RGS6: variants seen among roughly 807,000 people sequenced by gnomAD.
The protein encoded by RGS6 is regulator of G protein signaling 6.
A neutral mutation model predicts 78.5 loss-of-function variants in RGS6; 30 were observed. The ratio of observed to expected loss-of-function variants is 0.38; its 90% CI spans 0.29 to 0.52. RGS6 has a LOEUF of 0.52. RGS6 is among the 20% of genes least tolerant of loss of function. The pLI, the probability that RGS6 is intolerant of heterozygous loss-of-function variation, is 0.85. For synonymous variants in RGS6, 206 were observed against 206.0 expected (o/e 1.00, Z 0.00); for missense variants, 495 against 609.7 (o/e 0.81, Z 1.98).
chr14:72,498,191 G>C (rs925748930), intron 13 of RGS6, among the ~76,000 whole-genome samples: 5 of 151,944 alleles, frequency 3.3e-5, no homozygotes, highest in African/African-American at 1.2e-4. Flanking sequence ...TGTTCTATTG[G>C]TGTTTATCAT....
At position 72,128,496 on chromosome 14, in the gene RGS6, C is replaced by A. The variant is rs548890182; in HGVS notation, c.84+163621C>A. On this transcript the variant is annotated intron_variant, in intron 2 of 17. Transcript: ENST00000553525. Reference sequence around the variant, plus strand: ...CTTTTATTAAGCACTGCTCTCACATCTCATTGTGTTTGTTGAACCTGGAAA... The same window carrying A: ...CTTTTATTAAGCACTGCTCTCACATATCATTGTGTTTGTTGAACCTGGAAA... Among the ~76,000 whole-genome samples, 7 of 151,662 alleles carry A rather than the reference C, an allele frequency of 4.6e-5. No individual in the cohort carries two copies. The East Asian group carries it at 1.2e-3, about 25-fold the overall frequency.
chr14:72,054,013 TA>T (rs1240579529), intron 2 of RGS6, among the ~76,000 whole-genome samples: 1 of 152,202 alleles, frequency 6.6e-6, no homozygotes, highest in African/African-American at 2.4e-5. Context: ...ATCACAAGAA[TA>T]GGGGTGAGAA....
the RGS6 span, among the ~76,000 whole-genome samples, chr14:72,580,887 T>C: frequency 2.0e-5 from 3 of 152,190 alleles, no homozygotes; most frequent in African/African-American, 4.8e-5. Context: ...CTGCCTGCCT[T>C]ATGGGAGCAA....
At chr14:72,027,204 T>C (rs2090034551) in intron 2 of RGS6, among the ~76,000 whole-genome samples, 1 of 151,282 alleles carries the variant, frequency 6.6e-6, no homozygotes, top group South Asian at 2.1e-4. Flanking sequence ...GGAAGGACTA[T>C]GTCCTCTGCT....
In RGS6 at chr14:72,011,035, T is replaced by A. The variant is rs559081102; in HGVS notation, c.84+46160T>A. 3.3e-5 allele frequency among the ~76,000 whole-genome samples: 5 copies of A among 152,300 alleles called. No individual in the cohort carries two copies. In the East Asian group the frequency reaches 7.7e-4, roughly 24 times the overall value. ...CCAAAATATTTAATGGAATGAAGTG[T>A]TGTTCTATTCTAAAATTGCAAATAA... On this transcript the variant is annotated intron_variant, in intron 2 of 17. Transcript: ENST00000553525.
At chr14:72,070,442 G>T (rs1432030021) in intron 2 of RGS6, among the ~76,000 whole-genome samples, 4 of 152,138 alleles carry the variant, frequency 2.6e-5, no homozygotes, top group Non-Finnish European at 1.5e-5. Context: ...AAATTCTCAG[G>T]TTTGATTTTT....
chr14:72,475,359 C>T (rs1300128772), intron 10 of RGS6, among the ~76,000 whole-genome samples: 2 of 151,948 alleles, frequency 1.3e-5, no homozygotes, highest in Non-Finnish European at 2.9e-5. Flanking sequence ...GACTCCCCCA[C>T]GATTCATATG....
intron 2 of RGS6, among the ~76,000 whole-genome samples, chr14:72,121,393 A>G (rs1249405373): frequency 6.6e-6 from 1 of 152,176 alleles, no homozygotes; most frequent in Non-Finnish European, 1.5e-5. Context: ...ACAGGGGAGA[A>G]GACACCAGTG....
intron 3 of RGS6, among the ~76,000 whole-genome samples, chr14:72,373,097 G>A (rs778675306): frequency 7.9e-5 from 12 of 152,056 alleles, no homozygotes; most frequent in Non-Finnish European, 1.5e-4. Flanking sequence ...AGAGGAAGCC[G>A]AGCCCACCCT....
chr14:72,138,356 G>T (rs78851344), intron 2 of RGS6, among the ~76,000 whole-genome samples: 1 of 151,740 alleles, frequency 6.6e-6, no homozygotes, highest in South Asian at 2.1e-4. Context: ...TTGAGGGGGA[G>T]GGTTAATGTC....
intron 2 of RGS6, among the ~76,000 whole-genome samples, chr14:72,318,981 A>G (rs765005314): frequency 3.3e-5 from 5 of 152,240 alleles, no homozygotes; most frequent in Non-Finnish European, 7.3e-5. Flanking sequence ...AATTTTTACC[A>G]ACTCACAACA....
At chr14:72,076,534 C>A (rs902868445) in intron 2 of RGS6, among the ~76,000 whole-genome samples, 13 of 152,112 alleles carry the variant, frequency 8.5e-5, no homozygotes, top group African/African-American at 3.1e-4. Flanking sequence ...CATATCTATA[C>A]ACACTTTTTT....
chr14:72,504,449 C>T (rs1394861071), intron 13 of RGS6, among the ~76,000 whole-genome samples: 1 of 152,182 alleles, frequency 6.6e-6, no homozygotes, highest in African/African-American at 2.4e-5. Context: ...AATACTAGAA[C>T]CAAATAAAAT....
At chr14:72,124,276 A>G (rs1482184278) in intron 2 of RGS6, among the ~76,000 whole-genome samples, 1 of 152,162 alleles carries the variant, frequency 6.6e-6, no homozygotes, top group Admixed American at 6.5e-5. Context: ...TGCATTTTTC[A>G]TTTTAGAAAC....
rs770859468 is a variant in RGS6 at position 72,459,637 on chromosome 14, G to A, written c.348G>A (p.Pro116=). 4.3e-6 allele frequency: 7 copies of A among 1,613,938 alleles called. No homozygotes were observed. The highest frequency in any genetic ancestry group is 3.3e-5 in the Admixed American group (2 of 60,000). The change falls in exon 6 of 18, where the codon CCG becomes CCA. Residue 116 remains proline, a synonymous_variant. Transcript: ENST00000553525. ...DDGTFYRFQA[P]YFWPSNCWEP... The stretch of plus-strand genomic sequence containing the variant: ...ACACCCATGCTCCTTTGCAGGCTCC[G>A]TACTTCTGGCCTTCGAACTGCTGGG...
rs1354679466 is a variant in RGS6 at position 71,971,018 on chromosome 14, T to G, written c.84+6143T>G. Among the ~76,000 whole-genome samples the G allele has an allele frequency of 2.6e-5, 4 of 152,170 alleles. No homozygotes were observed. The East Asian group carries it at 7.7e-4, about 29-fold the overall frequency. On this transcript the variant is annotated intron_variant, in intron 2 of 17. Transcript: ENST00000553525. Reference sequence around the variant, plus strand: ...AGATTTGTGATGTCGTATACCGAGTTCAGGAGACTTTAAGTGGTTGATATG... The same window carrying G: ...AGATTTGTGATGTCGTATACCGAGTGCAGGAGACTTTAAGTGGTTGATATG...
intron 2 of RGS6, among the ~76,000 whole-genome samples, chr14:72,284,968 G>T (rs1482250450): frequency 1.3e-5 from 2 of 152,158 alleles, no homozygotes; most frequent in Non-Finnish European, 2.9e-5. Flanking sequence ...GACTTGGATG[G>T]GACCTTTAGC....
intron 2 of RGS6, among the ~76,000 whole-genome samples, chr14:72,261,957 G>T (rs1309509154): frequency 6.6e-6 from 1 of 151,924 alleles, no homozygotes; most frequent in Non-Finnish European, 1.5e-5. Flanking sequence ...TTTAGTCATG[G>T]TGATTTCAAA....
chr14:72,406,695 C>G (rs2239218), intron 3 of RGS6, among the ~76,000 whole-genome samples: 2 of 152,014 alleles, frequency 1.3e-5, no homozygotes, highest in African/African-American at 4.8e-5. Flanking sequence ...ATGTCTGTTA[C>G]TGACTTGCAA....
Sources: gnomAD v4.1 joint callset for allele counts (sites outside exome capture counted in the v4.1 genomes callset) on GRCh38, gnomAD v4.1.1 for gene constraint, MANE v1.5 for transcripts, NCBI Gene and HGNC (gene_info 2026-07-23, HGNC 2026-07-21) for gene names.